Variants in ADAMTSL1 observed in about 807,000 individuals in gnomAD.
The protein encoded by ADAMTSL1 is ADAMTS-like protein 1.
In ADAMTSL1, 126 loss-of-function variants were observed where a neutral mutation model predicts 201.8. The observed-to-expected ratio is 0.62, with a 90% CI of 0.54 to 0.72. The LOEUF (loss-of-function observed/expected upper bound fraction) is 0.72. Ranked by LOEUF, ADAMTSL1 falls within the 30% of genes least tolerant of loss-of-function variation. The pLI is 0.00. For missense variants in ADAMTSL1, 2,679 were observed against 2,277.8 expected (o/e 1.18, Z -3.59); for synonymous variants, 1,121 against 903.4 (o/e 1.24, Z -4.32).
At chr9:18,365,489 A>G (rs1268113886) in intron 2 of ADAMTSL1, among the ~76,000 whole-genome samples, 1 of 152,180 alleles carries the variant, frequency 6.6e-6, no homozygotes, top group East Asian at 1.9e-4. Context: ...GAAGGTACAC[A>G]GGTGTTCATT....
At chr9:18,566,110 A>G (rs982677741) in intron 3 of ADAMTSL1, among the ~76,000 whole-genome samples, 3 of 152,344 alleles carry the variant, frequency 2.0e-5, no homozygotes, top group East Asian at 1.9e-4. Flanking sequence ...AGTGTCTGAA[A>G]TGTATTAGTA....
chr9:18,573,651 TCA>T (rs1280366320), intron 3 of ADAMTSL1, among the ~76,000 whole-genome samples: 2 of 152,188 alleles, frequency 1.3e-5, no homozygotes, highest in Admixed American at 6.5e-5. Context: ...ACAAATAATT[TCA>T]ACTAATCCTC....
At chr9:18,794,889 G>A (rs557776887) in intron 19 of ADAMTSL1, among the ~76,000 whole-genome samples, 34 of 152,168 alleles carry the variant, frequency 2.2e-4, no homozygotes, top group African/African-American at 6.5e-4. Flanking sequence ...TGATTTGCCC[G>A]CCTCAGCCTC....
At chr9:18,428,148 C>T (rs1007149859) in intron 2 of ADAMTSL1, among the ~76,000 whole-genome samples, 3 of 152,094 alleles carry the variant, frequency 2.0e-5, no homozygotes, top group African/African-American at 4.8e-5. Flanking sequence ...CCACAAAATT[C>T]AATAGGCATT....
chr9:18,663,754 A>G (rs555573667), intron 9 of ADAMTSL1, among the ~76,000 whole-genome samples: 2 of 152,250 alleles, frequency 1.3e-5, no homozygotes, highest in East Asian at 3.9e-4. Context: ...TGGCCATGGA[A>G]GAGAGTTATG....
chr9:18,425,588 A>G lies in ADAMTSL1; in HGVS notation c.208-79241A>G, dbSNP rs919428206. Among the ~76,000 whole-genome samples, 117 of 152,290 alleles carry G rather than the reference A, an allele frequency of 7.7e-4. 1 individual carries two copies. Among genetic ancestry groups the G allele is most frequent in the African/African-American group, 2.8e-3 (115 of 41,556 alleles). ...AAATTCTCCAGGCACAGCAGCTTGC[A>G]TCTGTAATCCCAGCTACTCTGCTCA... On this transcript the variant is annotated intron_variant, in intron 2 of 29. Coordinates refer to the ADAMTSL1 transcript ENST00000680146.
At chr9:18,891,419 G>C (rs1276766069) in intron 25 of ADAMTSL1, among the ~76,000 whole-genome samples, 1 of 152,132 alleles carries the variant, frequency 6.6e-6, no homozygotes, top group South Asian at 2.1e-4. Flanking sequence ...ACAGTCTCGC[G>C]ATTTCCCCAA....
intron 2 of ADAMTSL1, among the ~76,000 whole-genome samples, chr9:18,450,141 A>T (rs534634867): frequency 6.6e-6 from 1 of 152,326 alleles, no homozygotes; most frequent in East Asian, 1.9e-4. Context: ...TAACTAGTAA[A>T]TAGGTAACGA....
At chr9:18,446,249 T>C (rs1012037787) in intron 2 of ADAMTSL1, among the ~76,000 whole-genome samples, 4 of 152,170 alleles carry the variant, frequency 2.6e-5, no homozygotes, top group Admixed American at 6.5e-5. Context: ...AAGTCTAAGA[T>C]GAAAACTAAA....
chr9:18,032,652 T>C (rs1821016394), intron 1 of ADAMTSL1, among the ~76,000 whole-genome samples: 1 of 152,052 alleles, frequency 6.6e-6, no homozygotes, highest in Admixed American at 6.5e-5. Context: ...GTGGTTCCGT[T>C]TTGCTGTAGC....
At chr9:18,087,078 C>G (rs1823799523) in intron 1 of ADAMTSL1, among the ~76,000 whole-genome samples, 1 of 152,124 alleles carries the variant, frequency 6.6e-6, no homozygotes, top group Non-Finnish European at 1.5e-5. Flanking sequence ...TTAATTCTTG[C>G]TTTGCTTAAC....
chr9:18,244,713 G>A (rs1419245152), intron 2 of ADAMTSL1, among the ~76,000 whole-genome samples: 3 of 152,030 alleles, frequency 2.0e-5, no homozygotes, highest in East Asian at 3.9e-4. Flanking sequence ...ATACAAATAA[G>A]CAGTGGTGTC....
At chr9:18,173,227 T>G (rs567984071) in intron 2 of ADAMTSL1, among the ~76,000 whole-genome samples, 2 of 152,270 alleles carry the variant, frequency 1.3e-5, no homozygotes, top group East Asian at 3.9e-4. Flanking sequence ...ATGGTAACTG[T>G]TTTTATTAGC....
chr9:17,938,440 T>G (rs1027937238), intron 1 of ADAMTSL1, among the ~76,000 whole-genome samples: 1 of 152,162 alleles, frequency 6.6e-6, no homozygotes, highest in Non-Finnish European at 1.5e-5. Context: ...GCATCTTTAC[T>G]GTCCATCCTC....
chr9:18,254,514 C>A (rs932011092), intron 2 of ADAMTSL1, among the ~76,000 whole-genome samples: 15 of 151,660 alleles, frequency 9.9e-5, no homozygotes, highest in African/African-American at 3.6e-4. Flanking sequence ...AGGCTCCCGC[C>A]ACCACGCCCG....
At chr9:18,797,120 C>T (rs917270462) in intron 20 of ADAMTSL1, among the ~76,000 whole-genome samples, 1 of 152,136 alleles carries the variant, frequency 6.6e-6, no homozygotes, top group Admixed American at 6.6e-5. Flanking sequence ...GGAAGAGAGA[C>T]AGAGCAGCCA....
At chr9:18,213,475 T>C (rs533303737) in intron 2 of ADAMTSL1, among the ~76,000 whole-genome samples, 2 of 152,272 alleles carry the variant, frequency 1.3e-5, no homozygotes, top group African/African-American at 4.8e-5. Flanking sequence ...AGCTAAACTT[T>C]TGCCTTTGAG....
chr9:18,652,727 A>G (rs1398386771), intron 7 of ADAMTSL1, among the ~76,000 whole-genome samples: 2 of 152,202 alleles, frequency 1.3e-5, no homozygotes, highest in Non-Finnish European at 2.9e-5. Context: ...TGCATTTTCA[A>G]CTTACAATAT....
chr9:18,811,032 AAAAC>A (rs796729785), intron 20 of ADAMTSL1, among the ~76,000 whole-genome samples: 1,421 of 129,248 alleles, frequency 0.011, 72 homozygotes, highest in Middle Eastern at 0.024. Context: ...AAAAAAAAAA[AAAAC>A]AAACACCAGC....
Sources: allele counts gnomAD v4.1 joint callset (sites outside exome capture counted in the v4.1 genomes callset), GRCh38; gene constraint gnomAD v4.1.1; transcripts MANE v1.5; gene names NCBI Gene and HGNC (gene_info 2026-07-23, HGNC 2026-07-21).